The following ZNF765 variants were observed in gnomAD, a reference collection of about 807,000 sequenced individuals.
ZNF765 encodes zinc finger protein 765.
ZNF765 carries 37 observed loss-of-function variants against 44.7 expected under a neutral mutation model. The observed-to-expected ratio is 0.83, with a 90% confidence interval of 0.64 to 1.09. The LOEUF is 1.09. ZNF765 is among the 50% of genes least tolerant of loss of function. ZNF765 has a pLI of 0.00. For missense variants in ZNF765, 594 were observed against 626.1 expected (o/e 0.95, Z 0.55); for synonymous variants, 201 against 213.7 (o/e 0.94, Z 0.52).
chr19:53,410,934 C>A lies in ZNF765; in HGVS notation c.*1807C>A. 2.4e-6 allele frequency: 1 copy of A among 422,212 alleles called. No individual in the cohort carries two copies. Among genetic ancestry groups the A allele is most frequent in the South Asian group, 1.8e-5 (1 of 54,808 alleles). The allele number at this position is 422,212 out of a possible 1,614,324, so 26.2% of individuals were successfully genotyped here. ...TGGACAGAAATCTTATAAATGTCAT[C>A]AGTGTGCCAAAGTCTTCAGTCTGAG... On this transcript the variant is annotated 3_prime_UTR_variant, in exon 4 of 4. Coordinates refer to ENST00000396408, the MANE Select transcript of ZNF765 (RefSeq NM_001040185.3).
Position 53,404,938 on chromosome 19 carries a change from C to G in ZNF765, c.142+2747C>G, listed in dbSNP as rs149857088. On this transcript the variant is annotated intron_variant, in intron 3 of 3. Transcript: ENST00000396408. ...CACTGTCAGAAATAGCTTAGACTGG[C>G]CACCCGAGGTGGCTCACACCTCTAA... is the stretch of plus-strand genomic sequence containing the variant. 6.8e-3 allele frequency among the ~76,000 whole-genome samples: 1,038 copies of G among 152,294 alleles called. 11 individuals are homozygous for G. Among genetic ancestry groups the G allele is most frequent in the African/African-American group, 0.023 (974 of 41,550 alleles).
downstream of ZNF765, among the ~76,000 whole-genome samples, chr19:53,414,504 C>G (rs867727166): frequency 2.0e-5 from 1 of 50,756 alleles, no homozygotes; most frequent in African/African-American, 6.7e-5. Flanking sequence ...CCCCCCCCCC[C>G]CCCCCGGGGA....
downstream of ZNF765, among the ~76,000 whole-genome samples, chr19:53,413,885 C>G (rs960056055): frequency 7.9e-6 from 1 of 125,946 alleles, no homozygotes; most frequent in Non-Finnish European, 1.6e-5. Context: ...CTGCAGCAGA[C>G]AAACCTGCCT....
At chr19:53,418,001 GAAGA>G (rs1396934130) in intron 3 of ZNF765, among the ~76,000 whole-genome samples, 1 of 152,146 alleles carries the variant, frequency 6.6e-6, no homozygotes, top group Non-Finnish European at 1.5e-5. Flanking sequence ...GGATCAAGGA[GAAGA>G]AAGAATCTCC....
chr19:53,426,703 G>A (rs1275136065), exon 4 of ZNF765: 1 of 123,546 alleles, frequency 8.1e-6, no homozygotes, highest in Non-Finnish European at 1.6e-5. Flanking sequence ...AGGGATCTGG[G>A]TTGCATGCTC....
At chr19:53,397,558 C>T (rs1362895986) in intron 1 of ZNF765, among the ~76,000 whole-genome samples, 1 of 151,994 alleles carries the variant, frequency 6.6e-6, no homozygotes, top group African/African-American at 2.4e-5. Context: ...AGTTTTTGTA[C>T]TTTTGGTAGA....
intron 3 of ZNF765, among the ~76,000 whole-genome samples, chr19:53,406,942 TA>T (rs2085781101): frequency 6.6e-6 from 1 of 152,136 alleles, no homozygotes; most frequent in African/African-American, 2.4e-5. Flanking sequence ...AAAATTTGTT[TA>T]AAAATGTCAA....
intron 2 of ZNF765, among the ~76,000 whole-genome samples, chr19:53,401,599 C>T (rs1360992107): frequency 2.6e-5 from 4 of 151,616 alleles, no homozygotes; most frequent in East Asian, 1.9e-4. Flanking sequence ...GTTTCTGGGC[C>T]GGGCACGGTG....
chr19:53,412,664 T>G (rs111722878), downstream of ZNF765, among the ~76,000 whole-genome samples: 3,074 of 152,214 alleles, frequency 0.02, 64 homozygotes, highest in East Asian at 0.11. Flanking sequence ...TGAGATCAGA[T>G]GCAGTGTCAC....
At chr19:53,414,127 G>C (rs902573121), downstream of ZNF765, among the ~76,000 whole-genome samples, 1 of 151,132 alleles carries the variant, frequency 6.6e-6, no homozygotes, top group Non-Finnish European at 1.5e-5. Context: ...TGTCATCCCA[G>C]CTACTCGGGA....
At chr19:53,400,398 C>G (rs534205053) in intron 2 of ZNF765, among the ~76,000 whole-genome samples, 8 of 152,204 alleles carry the variant, frequency 5.3e-5, no homozygotes, top group South Asian at 2.1e-4. Flanking sequence ...ACAGATATCT[C>G]ACGATTCCTC....
At chr19:53,415,378 G>A (rs1028661515), downstream of ZNF765, among the ~76,000 whole-genome samples, 9 of 152,074 alleles carry the variant, frequency 5.9e-5, no homozygotes, top group African/African-American at 2.2e-4. Flanking sequence ...ATATTTAATA[G>A]TGAACAGAAT....
At chr19:53,399,825 T>C (rs1278939908) in intron 2 of ZNF765, among the ~76,000 whole-genome samples, 4 of 152,186 alleles carry the variant, frequency 2.6e-5, no homozygotes, top group Non-Finnish European at 5.9e-5. Context: ...TATTTATTTA[T>C]TTTTTTGAGA....
chr19:53,401,903 A>G (rs2085729714), intron 2 of ZNF765, 162 bp from the exon 3 acceptor site: 1 of 1,568,162 alleles, frequency 6.4e-7, no homozygotes, highest in South Asian at 1.1e-5. Context: ...ACTTTAGTAA[A>G]CACAACTGGG....
chr19:53,406,589 T>C (rs2085778469), intron 3 of ZNF765, among the ~76,000 whole-genome samples: 2 of 152,222 alleles, frequency 1.3e-5, no homozygotes, highest in South Asian at 4.1e-4. Flanking sequence ...GTATGTGGTA[T>C]GCAATATAAC....
chr19:53,396,803 C>G (rs1349838378), intron 1 of ZNF765, among the ~76,000 whole-genome samples: 3 of 152,210 alleles, frequency 2.0e-5, no homozygotes, highest in African/African-American at 4.8e-5. Flanking sequence ...TCAGTTTTCT[C>G]CCTTTGCTGC....
intron 2 of ZNF765, 187 bp from the exon 3 acceptor site, chr19:53,401,876 TAA>T (rs111753331): frequency 0.17 from 179,481 of 1,087,250 alleles, 1 homozygote; most frequent in Non-Finnish European, 0.18. Flanking sequence ...ACTCCACCTT[TAA>T]AAAAAAAAAA....
intron 3 of ZNF765, among the ~76,000 whole-genome samples, chr19:53,405,570 C>T (rs1038562591): frequency 6.0e-5 from 9 of 151,222 alleles, no homozygotes; most frequent in African/African-American, 1.9e-4. Flanking sequence ...ATCTTCCTGC[C>T]GTGTCCTGAC....
Position 53,402,201 on chromosome 19 carries a change from A to G in ZNF765, c.142+10A>G. 6.2e-7 allele frequency: 1 copy of G among 1,606,976 alleles called. No individual in the cohort carries two copies. Among genetic ancestry groups the G allele is most frequent in the Non-Finnish European group, 8.5e-7 (1 of 1,178,026 alleles). ...AACCTGGTCTCCCTGGGTGAGGATG[A>G]CTTCCCTCCTGGGGATGTGCCCTTG... On this transcript the variant is annotated intron_variant, in intron 3 of 3. Transcript: ENST00000396408.
Sources: allele counts gnomAD v4.1 joint callset (sites outside exome capture counted in the v4.1 genomes callset), GRCh38; gene constraint gnomAD v4.1.1; transcripts MANE v1.5; gene names NCBI Gene and HGNC (gene_info 2026-07-23, HGNC 2026-07-21).